FAM219A: variants seen among roughly 807,000 people sequenced by gnomAD.
FAM219A encodes the protein protein FAM219A.
A neutral mutation model predicts 23.4 loss-of-function variants in FAM219A; 7 were observed. That is an observed-to-expected ratio of 0.30 (90% CI 0.17 to 0.56). The LOEUF is 0.56. FAM219A is among the 20% of genes least tolerant of loss of function. The probability of loss-of-function intolerance (pLI) is 0.92; values close to 1 mark genes in which losing one functional copy is unlikely to be tolerated. For synonymous variants in FAM219A, 93 were observed against 99.0 expected (o/e 0.94, Z 0.36); for missense variants, 166 against 246.9 (o/e 0.67, Z 2.20).
At chr9:34,415,121 ATTT>A (rs5897570) in intron 1 of FAM219A, among the ~76,000 whole-genome samples, 23 of 148,806 alleles carry the variant, frequency 1.5e-4, no homozygotes, top group African/African-American at 2.5e-4. Flanking sequence ...GCCTGGCTAA[ATTT>A]TTTTTTTTTT....
intron 1 of FAM219A, among the ~76,000 whole-genome samples, chr9:34,424,257 C>T (rs1442612567): frequency 6.6e-6 from 1 of 152,148 alleles, no homozygotes; most frequent in Non-Finnish European, 1.5e-5. Context: ...TGTTTGAAGA[C>T]ATGAGGGAGG....
chr9:34,438,644 C>T (rs756348369), intron 1 of FAM219A, among the ~76,000 whole-genome samples: 2 of 152,126 alleles, frequency 1.3e-5, no homozygotes, highest in Non-Finnish European at 2.9e-5. Flanking sequence ...AAGCATGTGT[C>T]TAGCTCAGGG....
At chr9:34,437,793 C>A (rs992388632) in intron 1 of FAM219A, among the ~76,000 whole-genome samples, 2 of 152,248 alleles carry the variant, frequency 1.3e-5, no homozygotes, top group Non-Finnish European at 2.9e-5. Context: ...TCGCTCTCAG[C>A]GCCTCCTCTG....
chr9:34,445,073 A>C (rs1430050607), intron 1 of FAM219A, among the ~76,000 whole-genome samples: 1 of 152,068 alleles, frequency 6.6e-6, no homozygotes, highest in Non-Finnish European at 1.5e-5. Context: ...ATCTCCCTTA[A>C]TTCCCCAACA....
chr9:34,398,447 C>T lies in FAM219A; in HGVS notation c.*2517G>A. ...CTAAGGCCTAGATTCTTCCCTCCAA[C>T]CTCCCAGACAGGGAAGGAGGGAGCC... is the stretch of plus-strand genomic sequence containing the variant. On this transcript the variant is annotated 3_prime_UTR_variant, in exon 6 of 6. Coordinates refer to ENST00000651358, the MANE Select transcript of FAM219A (RefSeq NM_001184940.2). 6.9e-7 allele frequency: 1 copy of T among 1,452,226 alleles called. No homozygotes were observed. Among genetic ancestry groups the T allele is most frequent in the Non-Finnish European group, 9.4e-7 (1 of 1,061,284 alleles). The allele number at this position is 1,452,226 out of a possible 1,614,324, so 90.0% of individuals were successfully genotyped here. A position where few individuals can be genotyped will look rare whatever the true frequency, so the allele number is the denominator to read the frequency against.
intron 1 of FAM219A, among the ~76,000 whole-genome samples, chr9:34,444,458 T>C (rs1293092193): frequency 6.6e-6 from 1 of 152,092 alleles, no homozygotes; most frequent in African/African-American, 2.4e-5. Flanking sequence ...CAAAACTAAG[T>C]TTTTTCCTCA....
chr9:34,408,253 T>C (rs1338030210), intron 1 of FAM219A, among the ~76,000 whole-genome samples: 1 of 152,226 alleles, frequency 6.6e-6, no homozygotes, highest in Admixed American at 6.5e-5. Context: ...GAGAGACTAA[T>C]AGACAGCACC....
In FAM219A at chr9:34,400,560, C is replaced by T. The variant is rs967035142; in HGVS notation, c.*404G>A. On this transcript the variant is annotated 3_prime_UTR_variant, in exon 6 of 6. Transcript: ENST00000651358. ...GCCCCTTTCCTGGTTAGGCTGAGGC[C>T]GGGGCTTGGGAGTTCATGGCTTCGC... 1 of 166,076 alleles carries T rather than the reference C, an allele frequency of 6.0e-6. No homozygotes were observed. Among genetic ancestry groups the T allele is most frequent in the East Asian group, 1.7e-4 (1 of 5,852 alleles). The allele number at this position is 166,076 out of a possible 1,614,324, so 10.3% of individuals were successfully genotyped here. A position where few individuals can be genotyped will look rare whatever the true frequency, so the allele number is the denominator to read the frequency against.
intron 1 of FAM219A, among the ~76,000 whole-genome samples, chr9:34,408,052 C>T (rs551476118): frequency 1.3e-5 from 2 of 152,350 alleles, no homozygotes; most frequent in Non-Finnish European, 2.9e-5. Flanking sequence ...TGTGTTGCCA[C>T]AGTGGTTTGC....
At chr9:34,402,279 T>A in intron 4 of FAM219A, 108 bp downstream of exon 4, 1 of 1,613,946 alleles carries the variant, frequency 6.2e-7, no homozygotes. Flanking sequence ...AGATTCTGGC[T>A]GAAGAATATC....
intron 1 of FAM219A, among the ~76,000 whole-genome samples, chr9:34,428,323 G>A (rs1268471586): frequency 3.3e-5 from 5 of 152,194 alleles, no homozygotes; most frequent in Admixed American, 6.6e-5. Flanking sequence ...CACAACCCCT[G>A]TCTAGAGAGT....
chr9:34,443,993 C>T (rs1823279673), intron 1 of FAM219A, among the ~76,000 whole-genome samples: 1 of 152,226 alleles, frequency 6.6e-6, no homozygotes, highest in Admixed American at 6.5e-5. Flanking sequence ...CCCTCCCTGA[C>T]TCCACATAAT....
intron 1 of FAM219A, among the ~76,000 whole-genome samples, chr9:34,439,308 G>A (rs560007375): frequency 2.0e-5 from 3 of 152,342 alleles, no homozygotes; most frequent in Non-Finnish European, 2.9e-5. Context: ...ATGGTTGAAT[G>A]TCAGATACGA....
Position 34,400,797 on chromosome 9 carries a change from A to C in FAM219A, c.*167T>G, listed in dbSNP as rs1821389484. The C allele has an allele frequency of 3.1e-6, 2 of 653,734 alleles. No homozygotes were observed. Among genetic ancestry groups the C allele is most frequent in the East Asian group, 3.4e-5 (1 of 29,366 alleles). The allele number at this position is 653,734 out of a possible 1,614,324, so 40.5% of individuals were successfully genotyped here. Reference sequence around the variant, plus strand: ...GGTTTCTCCAGCTCCATGAACACACAGAGGTACACGTCCTACCATAGGAGG... The same window carrying C: ...GGTTTCTCCAGCTCCATGAACACACCGAGGTACACGTCCTACCATAGGAGG... On this transcript the variant is annotated 3_prime_UTR_variant, in exon 6 of 6. Coordinates refer to ENST00000651358, the MANE Select transcript of FAM219A (RefSeq NM_001184940.2).
At position 34,433,317 on chromosome 9, in the gene FAM219A, C is replaced by A. The variant is rs1033649795; in HGVS notation, c.60+24887G>T. Among the ~76,000 whole-genome samples, 8 of 152,272 alleles carry A rather than the reference C, an allele frequency of 5.3e-5. No individual in the cohort carries two copies. In the South Asian group the frequency reaches 1.5e-3, roughly 28 times the overall value. ...TTTGATCTACTTCTTCCTCCTTTAT[C>A]TCTATGGGAAACTAATCATGAACCT... On this transcript the variant is annotated intron_variant, in intron 1 of 5. Transcript: ENST00000651358.
At chr9:34,455,460 T>C (rs1177631785) in intron 1 of FAM219A, among the ~76,000 whole-genome samples, 5 of 149,478 alleles carry the variant, frequency 3.3e-5, no homozygotes, top group African/African-American at 1.3e-4. Context: ...TGATATGCTA[T>C]CTTGATTTTT....
chr9:34,442,873 A>G (rs1823232255), intron 1 of FAM219A, among the ~76,000 whole-genome samples: 1 of 152,132 alleles, frequency 6.6e-6, no homozygotes, highest in Non-Finnish European at 1.5e-5. Context: ...TTTTAGAGAT[A>G]GTATAATGTT....
chr9:34,421,478 G>C (rs1203941982), intron 1 of FAM219A, among the ~76,000 whole-genome samples: 1 of 152,032 alleles, frequency 6.6e-6, no homozygotes, highest in Non-Finnish European at 1.5e-5. Context: ...GAGAGCCTTT[G>C]CCTGCCCACC....
At chr9:34,456,949 T>TG (rs1823754512) in intron 1 of FAM219A, among the ~76,000 whole-genome samples, 1 of 152,184 alleles carries the variant, frequency 6.6e-6, no homozygotes, top group African/African-American at 2.4e-5. Context: ...TCTTGGCTGC[T>TG]GTAATGGGTA....
Sources: gnomAD v4.1 joint callset for allele counts (sites outside exome capture counted in the v4.1 genomes callset) on GRCh38, gnomAD v4.1.1 for gene constraint, MANE v1.5 for transcripts, NCBI Gene and HGNC (gene_info 2026-07-23, HGNC 2026-07-21) for gene names.